The following CCSER1 variants were observed in gnomAD, a reference collection of about 807,000 sequenced individuals.
CCSER1 encodes the protein coiled-coil serine rich protein 1.
A neutral mutation model predicts 82.0 loss-of-function variants in CCSER1; 41 were observed. The ratio of observed to expected loss-of-function variants is 0.50; its 90% CI spans 0.39 to 0.65. The LOEUF (loss-of-function observed/expected upper bound fraction) is 0.65, where lower values mean the gene tolerates loss of function less well. Among genes scored for constraint, CCSER1 ranks in the 30% least tolerant of loss-of-function variants. The pLI is 0.00. For missense variants in CCSER1, 1,119 were observed against 1,064.2 expected, an observed-to-expected ratio of 1.05 and a Z score of -0.72; for synonymous variants, 414 against 383.9, an observed-to-expected ratio of 1.08 and a Z score of -0.92.
At chr4:90,929,297 T>C (rs974146150) in intron 9 of CCSER1, among the ~76,000 whole-genome samples, 4 of 152,152 alleles carry the variant, frequency 2.6e-5, no homozygotes, top group Non-Finnish European at 5.9e-5. Flanking sequence ...TTAATATGCA[T>C]TGTTTCATTC....
chr4:91,295,730 A>G (rs112794150), intron 10 of CCSER1, among the ~76,000 whole-genome samples: 6,908 of 151,986 alleles, frequency 0.045, 226 homozygotes, highest in Non-Finnish European at 0.069. Context: ...TCATTATTCT[A>G]GAGAAGAGTG....
chr4:90,520,770 G>A (rs1773002635), intron 5 of CCSER1, among the ~76,000 whole-genome samples: 1 of 152,156 alleles, frequency 6.6e-6, no homozygotes, highest in Non-Finnish European at 1.5e-5. Context: ...TTTAGGCAAT[G>A]TTTGTTAAAA....
chr4:90,491,330 G>T (rs1379057728), intron 5 of CCSER1, among the ~76,000 whole-genome samples: 1 of 152,030 alleles, frequency 6.6e-6, no homozygotes, highest in East Asian at 1.9e-4. Context: ...GTCTGCTATT[G>T]GTGTATAAGA....
At chr4:90,155,793 A>G (rs1422537144) in intron 1 of CCSER1, among the ~76,000 whole-genome samples, 18 of 151,822 alleles carry the variant, frequency 1.2e-4, no homozygotes, top group African/African-American at 4.1e-4. Flanking sequence ...CTAGCGGTCT[A>G]TCAATTTTGT....
At chr4:91,404,250 T>G (rs1355275913) in intron 10 of CCSER1, among the ~76,000 whole-genome samples, 3 of 152,092 alleles carry the variant, frequency 2.0e-5, no homozygotes, top group African/African-American at 7.2e-5. Context: ...ATATCCCTTT[T>G]CTTTTTTTAT....
rs191565160 is a variant in CCSER1, at chr4:90,356,426, T to G, written c.1509+43379T>G. On this transcript the variant is annotated intron_variant, in intron 3 of 10. Coordinates refer to ENST00000509176, the MANE Select transcript of CCSER1 (RefSeq NM_001145065.2). ...CTTGAAATAGACAACTATATGTATT[T>G]TATGTAAAAAATTAAACTCTATAGT... 5.0e-4 allele frequency among the ~76,000 whole-genome samples: 76 copies of G among 151,812 alleles called. 1 individual carries two copies. The highest frequency in any genetic ancestry group is 5.6e-4 in the Non-Finnish European group (38 of 67,710).
chr4:91,147,267 A>G (rs1052996191), intron 10 of CCSER1, among the ~76,000 whole-genome samples: 2 of 152,146 alleles, frequency 1.3e-5, no homozygotes, highest in Admixed American at 1.3e-4. Context: ...CCCAGTTGAC[A>G]GCTGTGGGGC....
chr4:91,329,970 T>A (rs1001315876), intron 10 of CCSER1, among the ~76,000 whole-genome samples: 7 of 152,266 alleles, frequency 4.6e-5, no homozygotes, highest in Non-Finnish European at 8.8e-5. Context: ...TTTCATTAAC[T>A]TTTGCTCTTA....
chr4:90,421,971 C>A (rs1017942841), intron 4 of CCSER1, among the ~76,000 whole-genome samples: 4 of 152,108 alleles, frequency 2.6e-5, no homozygotes, highest in Non-Finnish European at 5.9e-5. Flanking sequence ...GGGCCTCAGT[C>A]TCCCTACTGA....
chr4:90,316,625 T>A (rs1175752447), intron 3 of CCSER1, among the ~76,000 whole-genome samples: 1 of 152,224 alleles, frequency 6.6e-6, no homozygotes, highest in African/African-American at 2.4e-5. Context: ...ACTCCTAACT[T>A]TTAATGTTAG....
chr4:91,229,232 C>T (rs913079818), intron 10 of CCSER1, among the ~76,000 whole-genome samples: 7 of 146,016 alleles, frequency 4.8e-5, no homozygotes, highest in Non-Finnish European at 7.5e-5. Context: ...TGCTAATGGG[C>T]AATATGACTC....
intron 10 of CCSER1, among the ~76,000 whole-genome samples, chr4:91,196,294 C>T (rs138323234): frequency 2.0e-3 from 298 of 151,386 alleles, no homozygotes; most frequent in African/African-American, 6.8e-3. Context: ...TTCCAATTTT[C>T]TAAATTCACC....
At position 90,543,028 on chromosome 4, in the gene CCSER1, G is replaced by T. The variant is rs554384044; in HGVS notation, c.1724+74674G>T. Among the ~76,000 whole-genome samples the T allele has an allele frequency of 3.0e-4, 46 of 151,848 alleles. No individual in the cohort carries two copies. The East Asian group carries it at 6.6e-3, about 22-fold the overall frequency. ...TATTCATAGAAACATTGGCATTTAGGGCCCATATATTTACCTGACTGACAT... is the reference window on the plus strand; with the variant it reads ...TATTCATAGAAACATTGGCATTTAGTGCCCATATATTTACCTGACTGACAT... On this transcript the variant is annotated intron_variant, in intron 5 of 10. Coordinates refer to ENST00000509176, the MANE Select transcript of CCSER1 (RefSeq NM_001145065.2).
intron 5 of CCSER1, among the ~76,000 whole-genome samples, chr4:90,626,591 C>T (rs1257703684): frequency 6.6e-6 from 1 of 152,084 alleles, no homozygotes; most frequent in Admixed American, 6.5e-5. Flanking sequence ...TGTTCATTTG[C>T]ATGCTTGTTT....
chr4:91,003,271 A>G (rs952014641), intron 9 of CCSER1, among the ~76,000 whole-genome samples: 1 of 152,106 alleles, frequency 6.6e-6, no homozygotes, highest in Admixed American at 6.6e-5. Context: ...AGTGGTGGGC[A>G]AGGCCCTAGA....
At chr4:91,338,928 C>A (rs1481321446) in intron 10 of CCSER1, among the ~76,000 whole-genome samples, 1 of 152,148 alleles carries the variant, frequency 6.6e-6, no homozygotes. Context: ...GAAATACAGG[C>A]AGTTTGGCCA....
At chr4:90,788,144 G>A (rs1222896921) in intron 7 of CCSER1, among the ~76,000 whole-genome samples, 2 of 152,090 alleles carry the variant, frequency 1.3e-5, no homozygotes, top group African/African-American at 4.8e-5. Context: ...CACTTGGAGA[G>A]CTTTGAGGTG....
At chr4:90,141,549 A>G (rs1724793953) in intron 1 of CCSER1, among the ~76,000 whole-genome samples, 1 of 152,232 alleles carries the variant, frequency 6.6e-6, no homozygotes, top group Non-Finnish European at 1.5e-5. Flanking sequence ...CATTTATTTA[A>G]CATGCAATAT....
intron 10 of CCSER1, among the ~76,000 whole-genome samples, chr4:91,339,710 C>T (rs951217131): frequency 1.4e-4 from 22 of 152,112 alleles, no homozygotes; most frequent in African/African-American, 4.8e-4. Context: ...TACAGCTCTC[C>T]CCCTCTTCTC....
Sources: gnomAD v4.1 joint callset for allele counts (sites outside exome capture counted in the v4.1 genomes callset) on GRCh38, gnomAD v4.1.1 for gene constraint, MANE v1.5 for transcripts, NCBI Gene and HGNC (gene_info 2026-07-23, HGNC 2026-07-21) for gene names.